The following MTF2 variants were observed in gnomAD, a reference collection of about 807,000 sequenced individuals.
The protein encoded by MTF2 is metal-response element-binding transcription factor 2.
A neutral mutation model predicts 79.5 loss-of-function variants in MTF2; 11 were observed. The observed-to-expected ratio is 0.14, with a 90% CI of 0.09 to 0.23. The LOEUF (loss-of-function observed/expected upper bound fraction) is 0.23, where lower values mean the gene tolerates loss of function less well. Among genes scored for constraint, MTF2 ranks in the 10% least tolerant of loss-of-function variants. MTF2 has a pLI of 1.00. For synonymous variants in MTF2, 208 were observed against 232.8 expected (o/e 0.89, Z 0.97); for missense variants, 486 against 711.2 (o/e 0.68, Z 3.60).
chr1:93,106,485 T>A (rs1655794059), intron 1 of MTF2, among the ~76,000 whole-genome samples: 1 of 151,714 alleles, frequency 6.6e-6, no homozygotes, highest in African/African-American at 2.4e-5. Context: ...ACTGAAGGGA[T>A]GCAAAATCCC....
chr1:93,085,862 C>T (rs529658253), intron 1 of MTF2, among the ~76,000 whole-genome samples: 1 of 152,286 alleles, frequency 6.6e-6, no homozygotes, highest in East Asian at 1.9e-4. Context: ...TTGGTATCCT[C>T]AGGAGGTTCT....
intron 10 of MTF2, chr1:93,129,061 T>C: frequency 5.5e-6 from 2 of 364,274 alleles, no homozygotes; most frequent in Admixed American, 4.6e-5. Flanking sequence ...GGACATGTGC[T>C]CTTCTCCTTT....
chr1:93,099,081 T>C (rs1198886171), intron 1 of MTF2, among the ~76,000 whole-genome samples: 1 of 152,174 alleles, frequency 6.6e-6, no homozygotes, highest in Non-Finnish European at 1.5e-5. Context: ...GGTTTTTACA[T>C]TGATAAGGTC....
At chr1:93,094,978 G>A (rs2101031406) in intron 1 of MTF2, among the ~76,000 whole-genome samples, 1 of 152,190 alleles carries the variant, frequency 6.6e-6, no homozygotes, top group South Asian at 2.1e-4. Flanking sequence ...ATATTCTGAT[G>A]GGATGTACAG....
In MTF2 at chr1:93,133,976, A is replaced by G. The variant is rs1647262749; in HGVS notation, c.1315A>G (p.Ile439Val). 1.3e-6 allele frequency: 2 copies of G among 1,573,298 alleles called. No individual in the cohort carries two copies. Among genetic ancestry groups the G allele is most frequent in the Non-Finnish European group, 1.7e-6 (2 of 1,150,400 alleles). The change falls in exon 13 of 15, where the codon ATA becomes GTA. Residue 439 changes from isoleucine to valine, a missense_variant. By Grantham distance (29) the Ile-to-Val change is conservative. Coordinates refer to ENST00000370298, the MANE Select transcript of MTF2 (RefSeq NM_007358.4). ...TCCTACTTTGGATTTACCTTGTTCT[A>G]TAGGGTAAATAGAAAGTTATTTTCT... ...ENPTLDLPCS[I>V]GRTEGTAHSS... is the part of the protein sequence containing the mutation.
chr1:93,127,899 A>C (rs182199280), intron 10 of MTF2, among the ~76,000 whole-genome samples: 204 of 152,132 alleles, frequency 1.3e-3, no homozygotes, highest in Non-Finnish European at 1.1e-3. Flanking sequence ...TCTTAGAAAC[A>C]TTTTTAAATG....
intron 1 of MTF2, among the ~76,000 whole-genome samples, chr1:93,102,789 CAT>C (rs1655599130): frequency 6.6e-6 from 1 of 151,862 alleles, no homozygotes; most frequent in Admixed American, 6.6e-5. Flanking sequence ...TAAAAATACA[CAT>C]ATGAGGATGG....
chr1:93,127,399 A>T (rs1656743159), intron 10 of MTF2, 100 bp downstream of exon 10: 1 of 737,844 alleles, frequency 1.4e-6, no homozygotes, highest in South Asian at 1.7e-5. Context: ...GTACAGAAGA[A>T]GTCTATACCA....
chr1:93,135,600 A>T (rs1031571929), intron 14 of MTF2, among the ~76,000 whole-genome samples: 4 of 152,170 alleles, frequency 2.6e-5, no homozygotes, highest in African/African-American at 9.7e-5. Flanking sequence ...TTGGGAGGCC[A>T]AGGTGGGAAG....
rs921571354 is a variant in MTF2, at chr1:93,128,591, A to G, written c.990-687A>G. ...AAAAAAAAATTAAAAAGAGAGGGAG[A>G]ACATTCTAAACAACTGATGGAGGTT... On this transcript the variant is annotated intron_variant, in intron 10 of 14. Coordinates refer to ENST00000370298, the MANE Select transcript of MTF2 (RefSeq NM_007358.4). Among the ~76,000 whole-genome samples the G allele has an allele frequency of 1.8e-4, 27 of 151,086 alleles. 2 individuals carry two copies. Among genetic ancestry groups the G allele is most frequent in the Non-Finnish European group, 3.0e-5 (2 of 67,786 alleles).
chr1:93,093,452 C>G (rs1393508339), intron 1 of MTF2, among the ~76,000 whole-genome samples: 1 of 152,096 alleles, frequency 6.6e-6, no homozygotes, highest in Non-Finnish European at 1.5e-5. Context: ...GAGTTCTGCT[C>G]TAATTTGGAC....
chr1:93,086,622 T>C (rs1421324318), intron 1 of MTF2, among the ~76,000 whole-genome samples: 3 of 152,100 alleles, frequency 2.0e-5, no homozygotes, highest in African/African-American at 7.2e-5. Context: ...CGGGTGAATC[T>C]TGAGATGCAA....
chr1:93,100,391 G>A (rs1256134111), intron 1 of MTF2, among the ~76,000 whole-genome samples: 6 of 152,000 alleles, frequency 3.9e-5, no homozygotes, highest in African/African-American at 9.7e-5. Flanking sequence ...TGCAACCTCC[G>A]CCTCCCAGGT....
chr1:93,132,147 G>A (rs959269465), intron 11 of MTF2, among the ~76,000 whole-genome samples: 2 of 152,198 alleles, frequency 1.3e-5, no homozygotes, highest in African/African-American at 4.8e-5. Context: ...GAATTTAAGG[G>A]TCAGTTAAAG....
At chr1:93,092,020 C>G (rs572669563) in intron 1 of MTF2, among the ~76,000 whole-genome samples, 29 of 152,244 alleles carry the variant, frequency 1.9e-4, no homozygotes, top group African/African-American at 6.5e-4. Context: ...GTAATTTTTT[C>G]CCCACCTTTT....
chr1:93,120,157 G>A (rs1326731635), intron 8 of MTF2: 1 of 153,548 alleles, frequency 6.5e-6, no homozygotes, highest in Non-Finnish European at 1.4e-5. Context: ...GTGGTGGTGG[G>A]CGCCTGTAAT....
At chr1:93,107,492 C>T (rs1043003976) in intron 1 of MTF2, among the ~76,000 whole-genome samples, 2 of 152,118 alleles carry the variant, frequency 1.3e-5, no homozygotes, top group African/African-American at 4.8e-5. Context: ...TTCCAAAATG[C>T]TGGAATTACA....
chr1:93,126,220 A>G (rs1468626142), intron 9 of MTF2, among the ~76,000 whole-genome samples: 1 of 151,924 alleles, frequency 6.6e-6, no homozygotes, highest in Middle Eastern at 3.2e-3. Flanking sequence ...TGTAGAATGA[A>G]TGGGCTTATC....
chr1:93,114,546 C>T (rs1656169398), intron 3 of MTF2, 142 bp from the exon 4 acceptor site: 2 of 534,310 alleles, frequency 3.7e-6, no homozygotes, highest in South Asian at 3.3e-5. Context: ...AGAGAGATAC[C>T]ATTCGTGTAC....
Sources: allele counts gnomAD v4.1 joint callset (sites outside exome capture counted in the v4.1 genomes callset), GRCh38; gene constraint gnomAD v4.1.1; transcripts MANE v1.5; gene names NCBI Gene and HGNC (gene_info 2026-07-23, HGNC 2026-07-21).